CPE: variants seen among roughly 807,000 people sequenced by gnomAD.
CPE encodes carboxypeptidase E, also known as carbocypeptidase E.
CPE carries 17 observed loss-of-function variants against 53.5 expected under a neutral mutation model. The ratio of observed to expected loss-of-function variants is 0.32; its 90% CI spans 0.22 to 0.48. CPE has a LOEUF of 0.48. Among genes scored for constraint, CPE ranks in the 20% least tolerant of loss-of-function variants. CPE has a pLI of 0.99. For synonymous variants in CPE, 226 were observed against 228.8 expected (o/e 0.99, Z 0.11); for missense variants, 524 against 614.7 (o/e 0.85, Z 1.56).
rs755407362 is a variant in CPE at position 165,401,586 on chromosome 4, TG to T, written c.307+22060del. Among the ~76,000 whole-genome samples, 11 of 152,268 alleles carry T rather than the reference TG, an allele frequency of 7.2e-5. 1 individual carries two copies. The highest frequency in any genetic ancestry group is 1.6e-4 in the Non-Finnish European group (11 of 68,048). On this transcript the variant is annotated intron_variant, in intron 1 of 8. Coordinates refer to ENST00000402744, the MANE Select transcript of CPE (RefSeq NM_001873.4). ...CATGTAATGTGCTGAGCACAGTTAA[TG>T]GCACACAACATACACTTAATGAATA... is the stretch of plus-strand genomic sequence containing the variant.
chr4:165,436,191 T>TACACACACACAC (rs35269093), intron 1 of CPE, among the ~76,000 whole-genome samples: 176 of 149,402 alleles, frequency 1.2e-3, no homozygotes, highest in South Asian at 5.3e-3. Context: ...CCAGCACACA[T>TACACACACACAC]ACACACACAC....
At chr4:165,459,675 G>GA (rs1553976470) in intron 1 of CPE, among the ~76,000 whole-genome samples, 15 of 81,638 alleles carry the variant, frequency 1.8e-4, no homozygotes, top group Non-Finnish European at 3.4e-4. Context: ...AGGGCTGGGT[G>GA]GGGGGGGGCG....
intron 1 of CPE, among the ~76,000 whole-genome samples, chr4:165,438,770 G>T (rs1164832298): frequency 6.6e-6 from 1 of 152,188 alleles, no homozygotes; most frequent in Non-Finnish European, 1.5e-5. Flanking sequence ...CAGCTTCTTT[G>T]ACTGGGGCAA....
chr4:165,427,676 G>A (rs1288652278), intron 1 of CPE, among the ~76,000 whole-genome samples: 1 of 152,080 alleles, frequency 6.6e-6, no homozygotes, highest in Non-Finnish European at 1.5e-5. Flanking sequence ...TGTCTATGAT[G>A]GTTTATCCCC....
chr4:165,412,884 C>G (rs114324967), intron 1 of CPE, among the ~76,000 whole-genome samples: 46 of 152,284 alleles, frequency 3.0e-4, no homozygotes. Flanking sequence ...CTTTTTGCAC[C>G]GTTATAACCA....
At chr4:165,441,657 C>T (rs940523065) in intron 1 of CPE, among the ~76,000 whole-genome samples, 3 of 152,138 alleles carry the variant, frequency 2.0e-5, no homozygotes, top group Admixed American at 6.5e-5. Context: ...AAGAAATTTT[C>T]CTTTGGCTCT....
chr4:165,383,260 C>T (rs1249310245), intron 1 of CPE, among the ~76,000 whole-genome samples: 2 of 152,088 alleles, frequency 1.3e-5, no homozygotes, highest in African/African-American at 4.8e-5. Flanking sequence ...TCATTTTTCC[C>T]GTTTTTCTTT....
chr4:165,482,320 G>T lies in CPE; in HGVS notation c.751G>T (p.Asp251Tyr). 1 of 1,613,912 alleles carries T rather than the reference G, an allele frequency of 6.2e-7. No individual in the cohort carries two copies. Among genetic ancestry groups the T allele is most frequent in the Non-Finnish European group, 8.5e-7 (1 of 1,179,848 alleles). ...FVLSANLHGGDLVANYPYDET... is the reference protein window; with the variant it reads ...FVLSANLHGGYLVANYPYDET... ...GCTTTCTGCCAATCTCCATGGAGGA[G>T]ACCTTGTGGCCAATTATCCATATGA... The change falls in exon 4 of 9, where the codon GAC (aspartate) becomes TAC (tyrosine). Residue 251 changes from aspartate to tyrosine, a missense_variant. Physicochemically the swap from Asp to Tyr is radical, Grantham distance 160. Transcript: ENST00000402744.
At chr4:165,480,388 G>A (rs1732384455) in intron 3 of CPE, among the ~76,000 whole-genome samples, 1 of 152,194 alleles carries the variant, frequency 6.6e-6, no homozygotes, top group Non-Finnish European at 1.5e-5. Context: ...TTTCTCTAAG[G>A]AAAGTACAGA....
chr4:165,437,798 A>T (rs781048494), intron 1 of CPE, among the ~76,000 whole-genome samples: 5 of 152,154 alleles, frequency 3.3e-5, no homozygotes, highest in African/African-American at 4.8e-5. Flanking sequence ...ATCTGAGCTG[A>T]ATCTTGAAGT....
chr4:165,450,594 T>C (rs558455775), intron 1 of CPE, among the ~76,000 whole-genome samples: 290 of 152,362 alleles, frequency 1.9e-3, no homozygotes, highest in African/African-American at 6.8e-3. Flanking sequence ...AATTATTTAA[T>C]GTATAATTAA....
intron 1 of CPE, among the ~76,000 whole-genome samples, chr4:165,453,981 T>G (rs1731857116): frequency 6.6e-6 from 1 of 152,096 alleles, no homozygotes; most frequent in Non-Finnish European, 1.5e-5. Context: ...CTAGAATTTT[T>G]TTTTTTACAA....
chr4:165,429,175 A>G (rs13131303), intron 1 of CPE, among the ~76,000 whole-genome samples: 44,896 of 151,946 alleles, frequency 0.3, 6,728 homozygotes, highest in Middle Eastern at 0.39. Flanking sequence ...AAAGTTCTTC[A>G]GCAAGTCTTT....
At chr4:165,430,936 C>T (rs1560880034) in intron 1 of CPE, among the ~76,000 whole-genome samples, 2 of 152,204 alleles carry the variant, frequency 1.3e-5, no homozygotes, top group South Asian at 4.1e-4. Context: ...CCAGGAGAAG[C>T]TCTGACCTCG....
intron 1 of CPE, among the ~76,000 whole-genome samples, chr4:165,453,152 GT>G (rs1486427911): frequency 1.7e-4 from 26 of 151,854 alleles, no homozygotes; most frequent in African/African-American, 6.3e-4. Flanking sequence ...TAGAGACGGG[GT>G]TTTACCATGT....
Position 165,482,271 on chromosome 4 carries a change from T to C in CPE, c.702T>C (p.His234=), listed in dbSNP as rs771676991. The C allele has an allele frequency of 3.7e-6, 6 of 1,613,864 alleles. No individual in the cohort carries two copies. Among genetic ancestry groups the C allele is most frequent in the Middle Eastern group, 1.7e-4 (1 of 6,060 alleles). ...KLAPETKAVI[H]WIMDIPFVLS... ...CTCCTGAGACCAAGGCTGTCATTCA[T>C]TGGATTATGGATATTCCTTTTGTGC... The change falls in exon 4 of 9, where the codon CAT becomes CAC. Residue 234 remains histidine (H), a synonymous_variant. Transcript: ENST00000402744.
chr4:165,463,100 A>G (rs998431784), intron 1 of CPE, among the ~76,000 whole-genome samples: 24 of 152,334 alleles, frequency 1.6e-4, no homozygotes, highest in African/African-American at 5.8e-4. Context: ...TACTACTCCT[A>G]AAACGCAATG....
chr4:165,495,740 A>G, intron 8 of CPE, 63 bp downstream of exon 8: 1 of 1,155,024 alleles, frequency 8.7e-7, no homozygotes, highest in Non-Finnish European at 1.3e-6. Context: ...ATTGTCAGGC[A>G]TACTGAAGTG....
At chr4:165,421,942 A>G (rs556059802) in intron 1 of CPE, among the ~76,000 whole-genome samples, 1 of 152,338 alleles carries the variant, frequency 6.6e-6, no homozygotes, top group Non-Finnish European at 1.5e-5. Flanking sequence ...AGTCTAGGTC[A>G]GCATTCTGCA....
Sources: allele counts gnomAD v4.1 joint callset (sites outside exome capture counted in the v4.1 genomes callset), GRCh38; gene constraint gnomAD v4.1.1; transcripts MANE v1.5; gene names NCBI Gene and HGNC (gene_info 2026-07-23, HGNC 2026-07-21).